Variants in ADAMTS3 observed in about 807,000 individuals in gnomAD.
ADAMTS3 encodes A disintegrin and metalloproteinase with thrombospondin motifs 3.
A neutral mutation model predicts 129.0 loss-of-function variants in ADAMTS3; 73 were observed. The observed-to-expected ratio is 0.57, with a 90% CI of 0.47 to 0.69. The LOEUF is 0.69. Among genes scored for constraint, ADAMTS3 ranks in the 30% least tolerant of loss-of-function variants. The pLI, the probability that ADAMTS3 is intolerant of heterozygous loss-of-function variation, is 0.00. For synonymous variants in ADAMTS3, 477 were observed against 510.8 expected (o/e 0.93, Z 0.89); for missense variants, 1,457 against 1,514.5 (o/e 0.96, Z 0.63).
At chr4:72,530,992 C>T (rs1026257404) in intron 3 of ADAMTS3, among the ~76,000 whole-genome samples, 2 of 150,058 alleles carry the variant, frequency 1.3e-5, no homozygotes, top group Non-Finnish European at 3.0e-5. Context: ...TAATGGGAAG[C>T]CACTGAAATC....
intron 4 of ADAMTS3, among the ~76,000 whole-genome samples, chr4:72,364,348 C>A (rs1249029958): frequency 6.6e-6 from 1 of 152,164 alleles, no homozygotes; most frequent in Non-Finnish European, 1.5e-5. Flanking sequence ...GATGCAGTGG[C>A]TCACGCCTGT....
At chr4:72,564,489 T>C (rs1721977435) in intron 2 of ADAMTS3, among the ~76,000 whole-genome samples, 2 of 152,140 alleles carry the variant, frequency 1.3e-5, no homozygotes, top group African/African-American at 2.4e-5. Context: ...CTTACACATA[T>C]ATACAGAAAC....
chr4:72,352,525 C>T (rs1720468020), intron 4 of ADAMTS3, among the ~76,000 whole-genome samples: 1 of 151,980 alleles, frequency 6.6e-6, no homozygotes, highest in South Asian at 2.1e-4. Flanking sequence ...TTCTTGAACA[C>T]CTTTTCAGCA....
intron 4 of ADAMTS3, among the ~76,000 whole-genome samples, chr4:72,352,373 T>C (rs554132216): frequency 2.0e-5 from 3 of 152,102 alleles, no homozygotes; most frequent in Admixed American, 1.3e-4. Context: ...GTTTTAAAGA[T>C]CTAACAAATT....
intron 4 of ADAMTS3, among the ~76,000 whole-genome samples, chr4:72,382,668 GTATATA>G (rs1721325060): frequency 6.6e-6 from 1 of 152,098 alleles, no homozygotes; most frequent in Non-Finnish European, 1.5e-5. Flanking sequence ...ACAAAATGTG[GTATATA>G]TACACCATGG....
At chr4:72,398,514 G>T (rs1438049585) in intron 4 of ADAMTS3, among the ~76,000 whole-genome samples, 1 of 152,208 alleles carries the variant, frequency 6.6e-6, no homozygotes, top group Non-Finnish European at 1.5e-5. Flanking sequence ...AGCGGAGGTT[G>T]CAGTGAGCTG....
intron 3 of ADAMTS3, among the ~76,000 whole-genome samples, chr4:72,436,020 A>C (rs1717901502): frequency 1.3e-5 from 2 of 152,242 alleles, no homozygotes; most frequent in South Asian, 4.1e-4. Flanking sequence ...AATTAAACTA[A>C]AGAGCTTCTG....
chr4:72,378,021 A>G (rs1365445251), intron 4 of ADAMTS3, among the ~76,000 whole-genome samples: 4 of 152,186 alleles, frequency 2.6e-5, no homozygotes, highest in Non-Finnish European at 4.4e-5. Context: ...AGAATTATAA[A>G]AATCCTTCCA....
At chr4:72,423,316 T>C (rs1722491056) in intron 3 of ADAMTS3, among the ~76,000 whole-genome samples, 1 of 152,146 alleles carries the variant, frequency 6.6e-6, no homozygotes, top group Admixed American at 6.6e-5. Context: ...TGAAAAAATA[T>C]ATATCAATAT....
intron 4 of ADAMTS3, among the ~76,000 whole-genome samples, chr4:72,349,795 A>G (rs1351866083): frequency 6.6e-6 from 1 of 152,072 alleles, no homozygotes; most frequent in Non-Finnish European, 1.5e-5. Context: ...ACTGAAGAAG[A>G]GTTCCAAACA....
chr4:72,318,255 T>G (rs545863391), intron 10 of ADAMTS3, among the ~76,000 whole-genome samples: 1 of 152,150 alleles, frequency 6.6e-6, no homozygotes. Context: ...CATGAAGATT[T>G]GAGCCTGGCA....
chr4:72,530,382 A>G (rs1442162553), intron 3 of ADAMTS3, among the ~76,000 whole-genome samples: 1 of 86,268 alleles, frequency 1.2e-5, no homozygotes, highest in Non-Finnish European at 2.0e-5. Flanking sequence ...TATATAATAT[A>G]TATTAAATTA....
At chr4:72,469,863 G>C (rs59369294) in intron 3 of ADAMTS3, among the ~76,000 whole-genome samples, 5,054 of 152,096 alleles carry the variant, frequency 0.033, 277 homozygotes, top group African/African-American at 0.12. Context: ...TTACGTTATT[G>C]TAAGAATACA....
In ADAMTS3 at chr4:72,319,320, C is replaced by CAGGGGA. The variant is rs754229087; in HGVS notation, c.1352+6_1352+11dup. On this transcript the variant is annotated intron_variant, in intron 9 of 21. Coordinates refer to ENST00000286657, the MANE Select transcript of ADAMTS3 (RefSeq NM_014243.3). ...AAATAAATACTTTCATGACATGCAG[C>CAGGGGA]AGGGGACATACTGGATATATCTTTT... 29 of 1,613,488 alleles carry CAGGGGA rather than the reference C, an allele frequency of 1.8e-5. No individual in the cohort carries two copies. In the South Asian group the frequency reaches 3.0e-4, roughly 17 times the overall value.
chr4:72,401,920 G>A (rs1035389016), intron 4 of ADAMTS3, among the ~76,000 whole-genome samples: 2 of 152,204 alleles, frequency 1.3e-5, no homozygotes, highest in Admixed American at 6.5e-5. Context: ...TTAATGGTAA[G>A]CCTTTGAAAT....
chr4:72,529,518 T>C (rs1470915237), intron 3 of ADAMTS3, among the ~76,000 whole-genome samples: 1 of 150,070 alleles, frequency 6.7e-6, no homozygotes, highest in Non-Finnish European at 1.5e-5. Context: ...CTACTTATAC[T>C]GAGCCTTACC....
intron 21 of ADAMTS3, among the ~76,000 whole-genome samples, chr4:72,288,085 C>T (rs1448466097): frequency 6.6e-6 from 1 of 152,152 alleles, no homozygotes; most frequent in African/African-American, 2.4e-5. Flanking sequence ...AGGCTGGTCT[C>T]GAACTCCTGA....
rs1329701412 is a variant in ADAMTS3 at position 72,312,299 on chromosome 4, T to A, written c.1913A>T (p.His638Leu). ...AGCACGAGGCTACTCACGGTCAGGA[T>A]GTTCATATGGCAACCAGTGGTGTTT... ...NTKHHWLPYE[H>L]PDPKKRCHLY... The change falls in exon 13 of 22, where the codon CAT becomes CTT. Residue 638 changes from histidine to leucine, a missense_variant. Transcript: ENST00000286657. 1 of 1,613,576 alleles carries A rather than the reference T, an allele frequency of 6.2e-7. No individual in the cohort carries two copies. Among genetic ancestry groups the A allele is most frequent in the Admixed American group, 1.7e-5 (1 of 59,972 alleles).
intron 4 of ADAMTS3, among the ~76,000 whole-genome samples, chr4:72,399,824 TAC>T (rs1560501279): frequency 0.28 from 14,519 of 50,970 alleles, 3,289 homozygotes; most frequent in Admixed American, 0.34. Context: ...GGTGTGTATA[TAC>T]GTGTGTATAT....
Sources: gnomAD v4.1 joint callset for allele counts (sites outside exome capture counted in the v4.1 genomes callset) on GRCh38, gnomAD v4.1.1 for gene constraint, MANE v1.5 for transcripts, NCBI Gene and HGNC (gene_info 2026-07-23, HGNC 2026-07-21) for gene names.